DNM3: variants seen among roughly 807,000 people sequenced by gnomAD.
DNM3 encodes the protein dynamin-3.
Under a neutral mutation model 101.6 loss-of-function variants are expected in DNM3, and 47 were observed. That is an observed-to-expected ratio of 0.46 (90% CI 0.37 to 0.59). The LOEUF (loss-of-function observed/expected upper bound fraction) is 0.59, where lower values mean the gene tolerates loss of function less well. Ranked by LOEUF, DNM3 falls within the 20% of genes least tolerant of loss-of-function variation. The pLI, the probability that DNM3 is intolerant of heterozygous loss-of-function variation, is 0.00. For missense variants in DNM3, 849 were observed against 1,085.7 expected (o/e 0.78, Z 3.06); for synonymous variants, 385 against 387.9 (o/e 0.99, Z 0.09).
Position 172,253,681 on chromosome 1 carries a change from A to G in DNM3, c.1768A>G (p.Arg590Gly). Residue 590 changes from arginine (R) to glycine (G), a missense_variant and splice_region_variant, in exon 15 of 21, where the codon AGG becomes GGG. Arg to Gly is a moderately radical substitution (Grantham distance 125, BLOSUM62 -2). Transcript: ENST00000627582. Reference sequence around the variant, plus strand: ...CTTTGCACTCTTTAATACAGAGCAAAGGTAAGAAATTGAAACAGTTCCTGT... The same window carrying G: ...CTTTGCACTCTTTAATACAGAGCAAGGGTAAGAAATTGAAACAGTTCCTGT... ...HIFALFNTEQ[R>G]NVYKDYRFLE... 6.4e-7 allele frequency: 1 copy of G among 1,553,342 alleles called. No individual in the cohort carries two copies. The highest frequency in any genetic ancestry group is 8.7e-7 in the Non-Finnish European group (1 of 1,148,182).
intron 15 of DNM3, among the ~76,000 whole-genome samples, chr1:172,294,700 C>T (rs1232399542): frequency 6.6e-6 from 1 of 152,042 alleles, no homozygotes; most frequent in East Asian, 1.9e-4. Flanking sequence ...ATCGTTTGAG[C>T]TCACAAGTTC....
chr1:171,848,429 G>A (rs1051725587), intron 1 of DNM3, among the ~76,000 whole-genome samples: 1 of 151,998 alleles, frequency 6.6e-6, no homozygotes, highest in Non-Finnish European at 1.5e-5. Flanking sequence ...GGAACAGATG[G>A]GCCCAGGAAA....
chr1:172,128,983 T>G (rs1223986496), intron 13 of DNM3, among the ~76,000 whole-genome samples: 3 of 152,226 alleles, frequency 2.0e-5, no homozygotes, highest in African/African-American at 7.2e-5. Flanking sequence ...TATAGTAAGA[T>G]ATCTACTGAT....
chr1:171,988,117 CAT>C (rs1486857456), intron 3 of DNM3, among the ~76,000 whole-genome samples: 1 of 152,100 alleles, frequency 6.6e-6, no homozygotes, highest in African/African-American at 2.4e-5. Flanking sequence ...CTTAGAGGTA[CAT>C]GTTACTATGG....
rs1367795677 is a variant in DNM3, at chr1:172,408,032, C to T, written c.*191C>T. ...AAACCTTTGGGGTTTGACTCAGAAA[C>T]TGCTAACCTTTTAGAGGCTTTATAT... On this transcript the variant is annotated 3_prime_UTR_variant, in exon 21 of 21. Transcript: ENST00000627582. 2.1e-6 allele frequency: 3 copies of T among 1,435,700 alleles called. No individual in the cohort carries two copies. In the South Asian group the frequency reaches 4.4e-5, roughly 21 times the overall value. 88.9% of individuals were successfully genotyped at this position (1,435,700 alleles called of 1,614,324 possible).
intron 14 of DNM3, among the ~76,000 whole-genome samples, chr1:172,150,197 G>A (rs1393957280): frequency 6.6e-6 from 1 of 152,012 alleles, no homozygotes; most frequent in African/African-American, 2.4e-5. Flanking sequence ...AGTTTCTAAG[G>A]ACATATGAGA....
At chr1:172,142,826 A>C (rs2057660151) in intron 14 of DNM3, among the ~76,000 whole-genome samples, 1 of 151,288 alleles carries the variant, frequency 6.6e-6, no homozygotes, top group African/African-American at 2.4e-5. Flanking sequence ...TGTATCAATT[A>C]GAAAAAATAT....
At chr1:172,184,076 C>T (rs2059442072) in intron 14 of DNM3, among the ~76,000 whole-genome samples, 1 of 151,976 alleles carries the variant, frequency 6.6e-6, no homozygotes, top group Non-Finnish European at 1.5e-5. Context: ...AATTTTATTT[C>T]TGCAAAGTAG....
intron 13 of DNM3, among the ~76,000 whole-genome samples, chr1:172,130,384 A>G (rs2056870524): frequency 6.6e-6 from 1 of 152,086 alleles, no homozygotes; most frequent in Admixed American, 6.6e-5. Flanking sequence ...CTCTGAGGGG[A>G]AAAAAACCTC....
intron 15 of DNM3, chr1:172,289,889 C>T: frequency 1.0e-6 from 1 of 972,012 alleles, no homozygotes; most frequent in Middle Eastern, 5.3e-4. Flanking sequence ...TTTTATTGTA[C>T]TGTTGGGTTT....
At chr1:172,268,597 GTTTA>G (rs1418310186) in intron 15 of DNM3, among the ~76,000 whole-genome samples, 1 of 152,114 alleles carries the variant, frequency 6.6e-6, no homozygotes, top group Non-Finnish European at 1.5e-5. Context: ...GGCCCATTTG[GTTTA>G]TTTGATTCAC....
At position 172,025,941 on chromosome 1, in the gene DNM3, T is replaced by C. The variant is rs142992798; in HGVS notation, c.590-6461T>C. Among the ~76,000 whole-genome samples, 18 of 152,030 alleles carry C rather than the reference T, an allele frequency of 1.2e-4. No individual in the cohort carries two copies. The East Asian group carries it at 3.5e-3, about 30-fold the overall frequency. On this transcript the variant is annotated intron_variant, in intron 4 of 20. Coordinates refer to ENST00000627582, the MANE Select transcript of DNM3 (RefSeq NM_015569.5). The stretch of plus-strand genomic sequence containing the variant: ...CTCCTCGTCGGAAAGGGAACAAAAC[T>C]GGAAGGAGAATGAGTTTGATGAATT...
intron 14 of DNM3, among the ~76,000 whole-genome samples, chr1:172,247,521 A>G (rs1372768782): frequency 6.6e-6 from 1 of 152,150 alleles, no homozygotes; most frequent in Non-Finnish European, 1.5e-5. Context: ...AGAGCAAGCA[A>G]GTGAAGAATT....
At chr1:172,140,719 A>T (rs938522450) in intron 14 of DNM3, 2 of 151,998 alleles carry the variant, frequency 1.3e-5, no homozygotes, top group Non-Finnish European at 2.9e-5. Flanking sequence ...TTCAGGGGAA[A>T]AAAAAAATCT....
downstream of DNM3, among the ~76,000 whole-genome samples, chr1:172,415,773 G>A (rs894660748): frequency 2.6e-5 from 4 of 151,766 alleles, no homozygotes; most frequent in South Asian, 6.3e-4. Context: ...CAAGTGATCC[G>A]CCCACCTCAG....
At chr1:172,395,008 C>A (rs777086778) in intron 20 of DNM3, among the ~76,000 whole-genome samples, 21 of 152,090 alleles carry the variant, frequency 1.4e-4, no homozygotes, top group Non-Finnish European at 2.4e-4. Context: ...ACAGGGAAAC[C>A]TTCACATTCA....
chr1:172,295,639 C>T (rs1445071762), intron 15 of DNM3, among the ~76,000 whole-genome samples: 2 of 151,980 alleles, frequency 1.3e-5, no homozygotes, highest in African/African-American at 4.8e-5. Context: ...AAAAAGCCAG[C>T]TTATTTGTTA....
intron 10 of DNM3, among the ~76,000 whole-genome samples, chr1:172,049,702 TTC>T (rs2050071071): frequency 6.6e-6 from 1 of 152,178 alleles, no homozygotes; most frequent in African/African-American, 2.4e-5. Context: ...CTATGGATAA[TTC>T]TGTTTTTGTT....
chr1:172,342,092 A>C (rs1373621495), intron 17 of DNM3, among the ~76,000 whole-genome samples: 1 of 152,196 alleles, frequency 6.6e-6, no homozygotes, highest in African/African-American at 2.4e-5. Context: ...GCTACTATTA[A>C]AAAAATAAAA....
Sources: gnomAD v4.1 joint callset for allele counts (sites outside exome capture counted in the v4.1 genomes callset) on GRCh38, gnomAD v4.1.1 for gene constraint, MANE v1.5 for transcripts, NCBI Gene and HGNC (gene_info 2026-07-23, HGNC 2026-07-21) for gene names.